RBMS3: variants seen among roughly 807,000 people sequenced by gnomAD.
RBMS3 encodes RNA-binding motif, single-stranded-interacting protein 3.
A neutral mutation model predicts 66.8 loss-of-function variants in RBMS3; 27 were observed. The observed-to-expected ratio is 0.40, with a 90% CI of 0.30 to 0.56. RBMS3 has a LOEUF of 0.56. Ranked by LOEUF, RBMS3 falls within the 20% of genes least tolerant of loss-of-function variation. The pLI is 0.40. For missense variants in RBMS3, 513 were observed against 549.5 expected, an observed-to-expected ratio of 0.93 and a Z score of 0.66; for synonymous variants, 188 against 183.0, an observed-to-expected ratio of 1.03 and a Z score of -0.22.
At chr3:29,408,888 C>A (rs760786543) in intron 1 of RBMS3, among the ~76,000 whole-genome samples, 40 of 152,292 alleles carry the variant, frequency 2.6e-4, no homozygotes, top group Non-Finnish European at 1.8e-4. Flanking sequence ...TGGCTGCCAA[C>A]TTAAAATTCC....
intron 9 of RBMS3, among the ~76,000 whole-genome samples, chr3:29,897,948 A>C (rs1404592685): frequency 6.6e-6 from 1 of 151,636 alleles, no homozygotes; most frequent in Non-Finnish European, 1.5e-5. Flanking sequence ...AACAGAAGAA[A>C]TTATCAAAGT....
chr3:29,714,409 T>C (rs1576596568), intron 4 of RBMS3, among the ~76,000 whole-genome samples: 1 of 151,970 alleles, frequency 6.6e-6, no homozygotes, highest in East Asian at 1.9e-4. Context: ...AAAGAGTAAG[T>C]TGGGGATGGG....
intron 1 of RBMS3, among the ~76,000 whole-genome samples, chr3:29,301,821 A>G (rs1036530722): frequency 6.6e-6 from 1 of 151,942 alleles, no homozygotes; most frequent in Non-Finnish European, 1.5e-5. Context: ...CTGACTCAGT[A>G]GGTTTGGGAT....
intron 2 of RBMS3, among the ~76,000 whole-genome samples, chr3:29,440,027 G>A (rs1242120801): frequency 6.6e-6 from 1 of 152,062 alleles, no homozygotes; most frequent in East Asian, 1.9e-4. Context: ...ACTTTTTTGA[G>A]CCAGATAAAA....
intron 4 of RBMS3, among the ~76,000 whole-genome samples, chr3:29,656,239 A>C (rs376972584): frequency 6.6e-6 from 1 of 152,208 alleles, no homozygotes; most frequent in South Asian, 2.1e-4. Context: ...TTCACCACCC[A>C]GTCACTGGCT....
At chr3:29,931,194 A>T (rs562313612) in intron 10 of RBMS3, among the ~76,000 whole-genome samples, 1 of 152,312 alleles carries the variant, frequency 6.6e-6, no homozygotes, top group Non-Finnish European at 1.5e-5. Context: ...TAATTTACAA[A>T]AACTGTTTTG....
chr3:29,706,555 G>T (rs992321931), intron 4 of RBMS3, among the ~76,000 whole-genome samples: 1 of 152,140 alleles, frequency 6.6e-6, no homozygotes, highest in African/African-American at 2.4e-5. Context: ...CTTAGACTCA[G>T]GATTTGGCAG....
chr3:29,673,477 A>T lies in RBMS3; in HGVS notation c.400-66243A>T, dbSNP rs9816985. On this transcript the variant is annotated intron_variant, in intron 4 of 14. Transcript: ENST00000383767. ...TCCAGGAGCTGGTTTTTTTTTTTTT[A>T]AAAGATCAACAAAATTGATAGACTG... is the stretch of plus-strand genomic sequence containing the variant. Among the ~76,000 whole-genome samples the T allele has an allele frequency of 8.2e-3, 1,139 of 139,730 alleles. 11 individuals are homozygous for T. Among genetic ancestry groups the T allele is most frequent in the African/African-American group, 0.029 (892 of 30,922 alleles). The allele number at this position is 139,730 out of a possible 152,430, so 91.7% of individuals were successfully genotyped here.
At chr3:29,739,319 G>A (rs978874756) in intron 4 of RBMS3, among the ~76,000 whole-genome samples, 9 of 152,052 alleles carry the variant, frequency 5.9e-5, no homozygotes, top group Non-Finnish European at 2.9e-5. Flanking sequence ...AGCTGGGCGT[G>A]GTGGCGGGCG....
chr3:29,436,764 T>A (rs1005571559), intron 2 of RBMS3, among the ~76,000 whole-genome samples: 4 of 152,224 alleles, frequency 2.6e-5, no homozygotes, highest in Admixed American at 2.6e-4. Context: ...GACACACAGA[T>A]GTCTGGGCCC....
chr3:29,814,376 G>T (rs979200896), intron 6 of RBMS3, among the ~76,000 whole-genome samples: 1 of 152,070 alleles, frequency 6.6e-6, no homozygotes, highest in South Asian at 2.1e-4. Context: ...TGCTGGATTC[G>T]GTTTCCCAGT....
chr3:29,591,112 C>T (rs1003654060), intron 4 of RBMS3, among the ~76,000 whole-genome samples: 2 of 152,172 alleles, frequency 1.3e-5, no homozygotes, highest in Admixed American at 1.3e-4. Flanking sequence ...GTTTCGACTT[C>T]TTTGCCTCTG....
chr3:29,299,044 T>C (rs944147682), intron 1 of RBMS3, among the ~76,000 whole-genome samples: 5 of 151,774 alleles, frequency 3.3e-5, no homozygotes, highest in African/African-American at 1.2e-4. Flanking sequence ...TGCTAAGTCA[T>C]GCGACATTGA....
intron 3 of RBMS3, among the ~76,000 whole-genome samples, chr3:29,541,551 G>A (rs1047932724): frequency 1.3e-5 from 2 of 151,922 alleles, no homozygotes; most frequent in African/African-American, 2.4e-5. Flanking sequence ...CCACAACCTC[G>A]TGTAAGCGCA....
Position 29,289,814 on chromosome 3 carries a change from T to C in RBMS3, c.75+8058T>C, listed in dbSNP as rs2032670684. Among the ~76,000 whole-genome samples the C allele has an allele frequency of 3.3e-5, 5 of 151,858 alleles. No homozygotes were observed. The South Asian group carries it at 1.0e-3, about 31-fold the overall frequency. ...TGTTTTAGACTTAACTTTCCTATCA[T>C]TATATTGTGAGGTTAAGAAATTGGC... On this transcript the variant is annotated intron_variant, in intron 1 of 14. Coordinates refer to ENST00000383767, the MANE Select transcript of RBMS3 (RefSeq NM_001003793.3).
At chr3:29,851,652 T>C (rs1261687102) in intron 6 of RBMS3, among the ~76,000 whole-genome samples, 1 of 152,176 alleles carries the variant, frequency 6.6e-6, no homozygotes, top group African/African-American at 2.4e-5. Flanking sequence ...AATTTATAAT[T>C]CATATCAGAT....
chr3:29,932,236 C>G (rs372827805), intron 10 of RBMS3, among the ~76,000 whole-genome samples: 1 of 151,968 alleles, frequency 6.6e-6, no homozygotes. Context: ...CAGGCTTAGC[C>G]CCTTTGAATG....
At chr3:29,988,071 C>A in intron 12 of RBMS3, 72 bp from the exon 13 acceptor site, 1 of 1,242,766 alleles carries the variant, frequency 8.0e-7, no homozygotes, top group Non-Finnish European at 1.2e-6. Context: ...AAGCAGTCTC[C>A]TGTGGTATTT....
intron 12 of RBMS3, among the ~76,000 whole-genome samples, chr3:29,979,829 C>G (rs1211135048): frequency 6.6e-6 from 1 of 152,198 alleles, no homozygotes; most frequent in African/African-American, 2.4e-5. Flanking sequence ...TTTATCCAGT[C>G]TATCATTGAA....
Sources: gnomAD v4.1 joint callset for allele counts (sites outside exome capture counted in the v4.1 genomes callset) on GRCh38, gnomAD v4.1.1 for gene constraint, MANE v1.5 for transcripts, NCBI Gene and HGNC (gene_info 2026-07-23, HGNC 2026-07-21) for gene names.